Variants in UTS2 observed in about 807,000 individuals in gnomAD.
UTS2 encodes urotensin-2.
Under a neutral mutation model 12.6 loss-of-function variants are expected in UTS2, and 10 were observed. The observed-to-expected ratio is 0.80, with a 90% CI of 0.49 to 1.35. The LOEUF (loss-of-function observed/expected upper bound fraction) is 1.35. Ranked by LOEUF, UTS2 falls within the 40% of genes most tolerant of loss-of-function variation. The probability of loss-of-function intolerance (pLI) is 0.00; values close to 1 mark genes in which losing one functional copy is unlikely to be tolerated. For synonymous variants in UTS2, 52 were observed against 50.0 expected (o/e 1.04, Z -0.17); for missense variants, 142 against 143.2 (o/e 0.99, Z 0.04).
At chr1:7,876,101 G>C in the UTS2 span, among the ~76,000 whole-genome samples, 1 of 152,172 alleles carries the variant, frequency 6.6e-6, no homozygotes, top group Non-Finnish European at 1.5e-5. Context: ...TTGTCCAGAG[G>C]TCAGGGGATT....
the UTS2 span, among the ~76,000 whole-genome samples, chr1:7,912,781 C>T: frequency 6.6e-6 from 1 of 152,222 alleles, no homozygotes; most frequent in East Asian, 1.9e-4. Context: ...GCTCTCCTCC[C>T]TCCCCAAGCT....
At chr1:7,862,160 C>CA in the UTS2 span, among the ~76,000 whole-genome samples, 1 of 151,750 alleles carries the variant, frequency 6.6e-6, no homozygotes, top group African/African-American at 2.4e-5. Context: ...TGATTCCCCC[C>CA]CCGCCCCCGC....
the UTS2 span, among the ~76,000 whole-genome samples, chr1:7,869,406 A>G: frequency 1.3e-5 from 2 of 152,306 alleles, no homozygotes; most frequent in African/African-American, 4.8e-5. Flanking sequence ...GGCTCTGCGC[A>G]TGCCTCCCCA....
the UTS2 span, among the ~76,000 whole-genome samples, chr1:7,863,911 AGGCTGGT>A: frequency 6.6e-6 from 1 of 152,172 alleles, no homozygotes; most frequent in African/African-American, 2.4e-5. Context: ...GGCCATCTGG[AGGCTGGT>A]GCTGGCTGAC....
the UTS2 span, among the ~76,000 whole-genome samples, chr1:7,876,264 G>T: frequency 2.6e-5 from 4 of 152,166 alleles, no homozygotes; most frequent in Non-Finnish European, 5.9e-5. Context: ...CACCACGGGG[G>T]ATATTGAGGA....
chr1:7,885,064 C>T, the UTS2 span, among the ~76,000 whole-genome samples: 3 of 150,816 alleles, frequency 2.0e-5, no homozygotes, highest in Non-Finnish European at 3.0e-5. Context: ...AGCCACTCAT[C>T]CATTCAGACA....
chr1:7,849,892 A>G (rs546047698), intron 2 of UTS2, among the ~76,000 whole-genome samples: 1 of 152,240 alleles, frequency 6.6e-6, no homozygotes, highest in African/African-American at 2.4e-5. Flanking sequence ...GTAACTTCGC[A>G]GTCCAGTAGC....
the UTS2 span, among the ~76,000 whole-genome samples, chr1:7,911,855 C>T: frequency 3.8e-4 from 56 of 148,480 alleles, no homozygotes; most frequent in Non-Finnish European, 6.3e-4. Flanking sequence ...GAGCCAAGAT[C>T]GCGCCACTGC....
the UTS2 span, among the ~76,000 whole-genome samples, chr1:7,907,385 G>T: frequency 6.6e-6 from 1 of 152,014 alleles, no homozygotes; most frequent in Non-Finnish European, 1.5e-5. Flanking sequence ...AATGACTCAG[G>T]CCTGCAATCC....
At chr1:7,899,777 A>G in the UTS2 span, among the ~76,000 whole-genome samples, 1 of 152,200 alleles carries the variant, frequency 6.6e-6, no homozygotes, top group Non-Finnish European at 1.5e-5. Flanking sequence ...TTGTTATAAC[A>G]TGTTTTCTCA....
the UTS2 span, among the ~76,000 whole-genome samples, chr1:7,897,747 C>A: frequency 6.6e-6 from 1 of 151,882 alleles, no homozygotes; most frequent in African/African-American, 2.4e-5. Context: ...CCACCACGCC[C>A]GGCTAATTTT....
chr1:7,884,071 C>A, the UTS2 span, among the ~76,000 whole-genome samples: 1 of 152,098 alleles, frequency 6.6e-6, no homozygotes, highest in Non-Finnish European at 1.5e-5. Context: ...GCCTTGGCCT[C>A]CCAAAGGGAA....
At chr1:7,879,739 TAACAAC>T in the UTS2 span, among the ~76,000 whole-genome samples, 34,379 of 151,602 alleles carry the variant, frequency 0.23, 4,517 homozygotes, top group African/African-American at 0.35. Context: ...AGACTCTGTC[TAACAAC>T]AACAACAACA....
chr1:7,861,023 C>T, the UTS2 span, among the ~76,000 whole-genome samples: 5 of 131,616 alleles, frequency 3.8e-5, no homozygotes, highest in South Asian at 7.3e-4. Context: ...GCCTGGGTGA[C>T]AGAGCAAGGC....
At chr1:7,853,152 G>T, upstream of UTS2, 1 of 1,473,688 alleles carries the variant, frequency 6.8e-7, no homozygotes, top group Non-Finnish European at 9.0e-7. Flanking sequence ...GAATTTATTG[G>T]CTATGGAGGC....
the UTS2 span, among the ~76,000 whole-genome samples, chr1:7,909,838 T>G: frequency 4.6e-5 from 7 of 152,004 alleles, no homozygotes; most frequent in South Asian, 8.3e-4. Context: ...GCCAGGCTGG[T>G]CTCAAACTCC....
the UTS2 span, among the ~76,000 whole-genome samples, chr1:7,879,250 CA>C: frequency 6.6e-6 from 1 of 152,176 alleles, no homozygotes; most frequent in East Asian, 1.9e-4. Context: ...GGATAGACCA[CA>C]TGTTAGGCCA....
chr1:7,897,572 C>T, the UTS2 span, among the ~76,000 whole-genome samples: 2 of 151,972 alleles, frequency 1.3e-5, no homozygotes, highest in East Asian at 3.8e-4. Flanking sequence ...TCTTTAATGT[C>T]TTTCATTAAT....
chr1:7,898,538 C>T, the UTS2 span, among the ~76,000 whole-genome samples: 21 of 151,852 alleles, frequency 1.4e-4, no homozygotes, highest in Admixed American at 7.2e-4. Flanking sequence ...TGCAGTGGCG[C>T]GATCTCGGCT....
Sources: allele counts gnomAD v4.1 joint callset (sites outside exome capture counted in the v4.1 genomes callset), GRCh38; gene constraint gnomAD v4.1.1; transcripts MANE v1.5; gene names NCBI Gene and HGNC (gene_info 2026-07-23, HGNC 2026-07-21).